Variants in SLIT3 observed in about 807,000 individuals in gnomAD.
SLIT3 encodes the protein slit guidance ligand 3, also known as slit homolog 3 protein.
Under a neutral mutation model 184.0 loss-of-function variants are expected in SLIT3, and 68 were observed. The ratio of observed to expected loss-of-function variants is 0.37; its 90% CI spans 0.30 to 0.45. SLIT3 has a LOEUF of 0.45. Among genes scored for constraint, SLIT3 ranks in the 20% least tolerant of loss-of-function variants. The probability of loss-of-function intolerance (pLI) is 1.00; values close to 1 mark genes in which losing one functional copy is unlikely to be tolerated. For synonymous variants in SLIT3, 831 were observed against 828.6 expected (o/e 1.00, Z -0.05); for missense variants, 1,707 against 2,026.0 (o/e 0.84, Z 3.02).
chr5:168,763,737 C>T (rs987131332), intron 14 of SLIT3, among the ~76,000 whole-genome samples: 12 of 152,190 alleles, frequency 7.9e-5, no homozygotes, highest in Admixed American at 2.0e-4. Flanking sequence ...CTGGTTCTCC[C>T]ATCAGACATA....
chr5:169,031,757 AGT>A (rs1244637889), intron 4 of SLIT3, among the ~76,000 whole-genome samples: 2 of 152,228 alleles, frequency 1.3e-5, no homozygotes, highest in East Asian at 3.9e-4. Context: ...CAGGGACTTA[AGT>A]AAGAGGTATC....
At chr5:168,737,900 C>T (rs1053493013) in intron 20 of SLIT3, among the ~76,000 whole-genome samples, 1 of 152,212 alleles carries the variant, frequency 6.6e-6, no homozygotes, top group African/African-American at 2.4e-5. Context: ...AATAATTGTA[C>T]TTTCTGAAGG....
chr5:168,886,628 T>C (rs1454566868), intron 4 of SLIT3, among the ~76,000 whole-genome samples: 1 of 152,162 alleles, frequency 6.6e-6, no homozygotes, highest in African/African-American at 2.4e-5. Context: ...AAGGGGATTT[T>C]TGTTTTTCTA....
chr5:169,219,936 A>G (rs1171548294), intron 3 of SLIT3, among the ~76,000 whole-genome samples: 1 of 152,160 alleles, frequency 6.6e-6, no homozygotes, highest in African/African-American at 2.4e-5. Flanking sequence ...TATGTGTGAG[A>G]CACAGATGCA....
rs554437372 is a variant in SLIT3, at chr5:168,815,208, G to A, written c.793+2092C>T. Among the ~76,000 whole-genome samples, 12 of 152,216 alleles carry A rather than the reference G, an allele frequency of 7.9e-5. 1 individual carries two copies. Among genetic ancestry groups the A allele is most frequent in the African/African-American group, 2.4e-4 (10 of 41,446 alleles). On this transcript the variant is annotated intron_variant, in intron 8 of 35. Transcript: ENST00000519560. ...CTCCCACGTAACTACGAACCTGTCC[G>A]CTGGACCTAGCCTTTCCAAAGGAGA...
At chr5:169,202,922 C>T (rs987325309) in intron 3 of SLIT3, among the ~76,000 whole-genome samples, 11 of 152,154 alleles carry the variant, frequency 7.2e-5, no homozygotes, top group Non-Finnish European at 1.5e-4. Context: ...TGGCCTGAGC[C>T]TGCCTTGCCT....
intron 5 of SLIT3, among the ~76,000 whole-genome samples, chr5:168,882,256 A>G (rs774970226): frequency 6.6e-6 from 1 of 152,146 alleles, no homozygotes; most frequent in Non-Finnish European, 1.5e-5. Context: ...TGCTCAGCCA[A>G]ATCAGACCTT....
chr5:169,153,506 T>C (rs998764761), intron 4 of SLIT3, among the ~76,000 whole-genome samples: 13 of 152,244 alleles, frequency 8.5e-5, no homozygotes, highest in African/African-American at 2.9e-4. Context: ...AAACCCAAGT[T>C]TGCTGTCTTA....
At chr5:169,098,735 C>T (rs975726642) in intron 4 of SLIT3, among the ~76,000 whole-genome samples, 3 of 152,194 alleles carry the variant, frequency 2.0e-5, no homozygotes, top group African/African-American at 7.2e-5. Context: ...TTTGATCATA[C>T]GTCTCCTTTA....
chr5:168,909,086 T>C (rs1761170647), intron 4 of SLIT3, among the ~76,000 whole-genome samples: 2 of 152,232 alleles, frequency 1.3e-5, no homozygotes, highest in South Asian at 4.1e-4. Flanking sequence ...ACCCATGTCA[T>C]TCCCACAGGC....
At chr5:168,804,597 G>A (rs913380377) in intron 9 of SLIT3, among the ~76,000 whole-genome samples, 1 of 152,132 alleles carries the variant, frequency 6.6e-6, no homozygotes, top group African/African-American at 2.4e-5. Context: ...AAAGGAAGGT[G>A]GAGGGCCGCA....
At chr5:168,670,062 C>T (rs1582509677) in intron 34 of SLIT3, 71 bp from the exon 35 acceptor site, 4 of 1,352,662 alleles carry the variant, frequency 3.0e-6, no homozygotes, top group Middle Eastern at 2.2e-4. Flanking sequence ...CCTCTGTCCA[C>T]CCAGCCAGGG....
At chr5:168,821,218 G>C (rs944106802) in intron 7 of SLIT3, among the ~76,000 whole-genome samples, 3 of 152,130 alleles carry the variant, frequency 2.0e-5, no homozygotes, top group Non-Finnish European at 2.9e-5. Flanking sequence ...CCCAAACAAA[G>C]TACCCCAGAT....
rs140638702 is a variant in SLIT3, at chr5:168,768,169, G to A, written c.1459+4612C>T. ...GCTGCAGGAGAGCACGGTGCTTTCC[G>A]CGGTGCTTGACAGAACCATGTTCCG... On this transcript the variant is annotated intron_variant, in intron 14 of 35. Coordinates refer to ENST00000519560, the MANE Select transcript of SLIT3 (RefSeq NM_003062.4). 103 of 523,270 alleles carry A rather than the reference G, an allele frequency of 2.0e-4. 1 individual carries two copies. Among genetic ancestry groups the A allele is most frequent in the East Asian group, 8.8e-4 (16 of 18,154 alleles). The allele number at this position is 523,270 out of a possible 1,614,324, so 32.4% of individuals were successfully genotyped here. A position where few individuals can be genotyped will look rare whatever the true frequency, so the allele number is the denominator to read the frequency against.
chr5:169,115,630 C>G (rs532854165), intron 4 of SLIT3, among the ~76,000 whole-genome samples: 1 of 152,276 alleles, frequency 6.6e-6, no homozygotes, highest in South Asian at 2.1e-4. Flanking sequence ...TCCTGGTCGT[C>G]AACACACATT....
Position 168,662,942 on chromosome 5 carries a change from G to A in SLIT3, c.*3512C>T, listed in dbSNP as rs1001234766. On this transcript the variant is annotated 3_prime_UTR_variant, in exon 36 of 36. Transcript: ENST00000519560. ...TTTGTTAGAGGAGCCTCATTTCGGG[G>A]AGAATTTTCTTAATGGTCCTTGCAT... 3 of 152,242 alleles carry A rather than the reference G, an allele frequency of 2.0e-5. No individual in the cohort carries two copies. The highest frequency in any genetic ancestry group is 7.2e-5 in the African/African-American group (3 of 41,462). The allele number at this position is 152,242 out of a possible 1,614,324, so 9.4% of individuals were successfully genotyped here.
intron 4 of SLIT3, among the ~76,000 whole-genome samples, chr5:169,178,140 T>C (rs1763040019): frequency 6.6e-6 from 1 of 152,214 alleles, no homozygotes; most frequent in Non-Finnish European, 1.5e-5. Flanking sequence ...CATCCTTTTC[T>C]TAAAAAAGTA....
chr5:168,715,781 T>G (rs2113343796), intron 23 of SLIT3, among the ~76,000 whole-genome samples: 1 of 152,254 alleles, frequency 6.6e-6, no homozygotes, highest in East Asian at 1.9e-4. Flanking sequence ...CAAGCGATTC[T>G]CCTGCCTCAG....
chr5:169,219,578 T>C (rs1366305034), intron 3 of SLIT3, among the ~76,000 whole-genome samples: 1 of 151,908 alleles, frequency 6.6e-6, no homozygotes, highest in Non-Finnish European at 1.5e-5. Context: ...CTATCTGAGC[T>C]GTGCAGAGGT....
Sources: allele counts gnomAD v4.1 joint callset (sites outside exome capture counted in the v4.1 genomes callset), GRCh38; gene constraint gnomAD v4.1.1; transcripts MANE v1.5; gene names NCBI Gene and HGNC (gene_info 2026-07-23, HGNC 2026-07-21).